Variants in AFG1L observed in about 807,000 individuals in gnomAD.
The protein encoded by AFG1L is AFG1 like ATPase, also known as AFG1-like ATPase.
In AFG1L, 53 loss-of-function variants were observed where a neutral mutation model predicts 62.2. The observed-to-expected ratio is 0.85, with a 90% CI of 0.68 to 1.07. The LOEUF (loss-of-function observed/expected upper bound fraction) is 1.07, where lower values mean the gene tolerates loss of function less well. Among genes scored for constraint, AFG1L ranks in the 50% least tolerant of loss-of-function variants. The pLI is 0.00. For missense variants in AFG1L, 555 were observed against 590.5 expected, an observed-to-expected ratio of 0.94 and a Z score of 0.62; for synonymous variants, 228 against 210.3, an observed-to-expected ratio of 1.08 and a Z score of -0.73.
chr6:108,361,333 T>A (rs542845851), intron 5 of AFG1L, among the ~76,000 whole-genome samples: 2 of 152,156 alleles, frequency 1.3e-5, no homozygotes, highest in East Asian at 3.9e-4. Context: ...ACCACTACAA[T>A]AGAAAATAAG....
chr6:108,516,528 A>G (rs1468829981), intron 11 of AFG1L, among the ~76,000 whole-genome samples: 2 of 152,198 alleles, frequency 1.3e-5, no homozygotes, highest in Non-Finnish European at 2.9e-5. Context: ...ATCTATGACA[A>G]ACCCACAGCC....
At chr6:108,399,820 C>T (rs757127617) in intron 6 of AFG1L, among the ~76,000 whole-genome samples, 2 of 139,466 alleles carry the variant, frequency 1.4e-5, no homozygotes, top group Non-Finnish European at 3.0e-5. Flanking sequence ...ATTCTGTTGC[C>T]CAGGCTGGAG....
chr6:108,331,947 T>C (rs1484597999), intron 2 of AFG1L, among the ~76,000 whole-genome samples: 5 of 152,188 alleles, frequency 3.3e-5, no homozygotes, highest in Non-Finnish European at 7.3e-5. Flanking sequence ...CAGATAATTT[T>C]CAGTTTTTCC....
chr6:108,469,349 TA>T (rs911646546), intron 8 of AFG1L, among the ~76,000 whole-genome samples: 8 of 152,122 alleles, frequency 5.3e-5, no homozygotes, highest in African/African-American at 1.9e-4. Flanking sequence ...TGTAGGATTT[TA>T]TACAACTCAA....
intron 10 of AFG1L, among the ~76,000 whole-genome samples, chr6:108,490,956 T>C (rs946056020): frequency 2.0e-5 from 3 of 152,232 alleles, no homozygotes; most frequent in African/African-American, 7.2e-5. Context: ...TACTGACATT[T>C]TATTTCCCTG....
At chr6:108,297,511 A>G (rs2114809514) in intron 1 of AFG1L, among the ~76,000 whole-genome samples, 1 of 152,084 alleles carries the variant, frequency 6.6e-6, no homozygotes, top group African/African-American at 2.4e-5. Context: ...TTGGGGGGGT[A>G]CATTTCTATT....
chr6:108,501,014 G>A (rs947262566), intron 10 of AFG1L, among the ~76,000 whole-genome samples: 15 of 151,138 alleles, frequency 9.9e-5, no homozygotes, highest in African/African-American at 3.4e-4. Context: ...TTTTTTTTGA[G>A]ACGGAGTCTT....
intron 7 of AFG1L, among the ~76,000 whole-genome samples, chr6:108,409,160 C>A (rs1781993275): frequency 6.6e-6 from 1 of 152,058 alleles, no homozygotes; most frequent in Admixed American, 6.6e-5. Flanking sequence ...AAAGAAATAT[C>A]CCAAAATGTT....
chr6:108,331,972 T>C (rs1465919560), intron 2 of AFG1L, among the ~76,000 whole-genome samples: 2 of 152,188 alleles, frequency 1.3e-5, no homozygotes, highest in Non-Finnish European at 2.9e-5. Flanking sequence ...TGAGAACTTA[T>C]TTCCAACTCC....
chr6:108,337,324 A>G (rs904582021), intron 2 of AFG1L, among the ~76,000 whole-genome samples: 3 of 152,174 alleles, frequency 2.0e-5, no homozygotes. Flanking sequence ...GAGAACTTCA[A>G]TTCTTTGCAA....
intron 1 of AFG1L, among the ~76,000 whole-genome samples, chr6:108,311,399 C>G (rs931892177): frequency 6.6e-6 from 1 of 152,206 alleles, no homozygotes; most frequent in African/African-American, 2.4e-5. Flanking sequence ...AGCTTTGGCC[C>G]TGTGATCTTA....
chr6:108,313,233 T>C (rs1777477889), intron 1 of AFG1L, among the ~76,000 whole-genome samples: 1 of 152,164 alleles, frequency 6.6e-6, no homozygotes, highest in Non-Finnish European at 1.5e-5. Context: ...ACATCCTGCC[T>C]TCCTACTATA....
At chr6:108,364,965 C>T (rs1779695951) in intron 5 of AFG1L, among the ~76,000 whole-genome samples, 2 of 151,450 alleles carry the variant, frequency 1.3e-5, no homozygotes, top group African/African-American at 2.4e-5. Flanking sequence ...TGATTTAGAC[C>T]TGTGCAACCC....
intron 2 of AFG1L, among the ~76,000 whole-genome samples, chr6:108,330,819 A>G (rs1044511798): frequency 6.6e-6 from 1 of 152,230 alleles, no homozygotes; most frequent in Admixed American, 6.5e-5. Context: ...TCATTTTATC[A>G]TTAAATTCAG....
At chr6:108,356,890 C>T (rs1779313035) in intron 5 of AFG1L, 70 bp downstream of exon 5, 1 of 1,277,100 alleles carries the variant, frequency 7.8e-7, no homozygotes, top group African/African-American at 1.5e-5. Context: ...AATTTTGCTC[C>T]TGATTTTATC....
chr6:108,387,244 C>T (rs1397973893), intron 6 of AFG1L, among the ~76,000 whole-genome samples: 1 of 152,232 alleles, frequency 6.6e-6, no homozygotes, highest in Non-Finnish European at 1.5e-5. Flanking sequence ...AAGATGGATT[C>T]TGAGGTGGAT....
chr6:108,495,204 T>G (rs1773927853), intron 10 of AFG1L, among the ~76,000 whole-genome samples: 1 of 152,228 alleles, frequency 6.6e-6, no homozygotes, highest in Admixed American at 6.5e-5. Flanking sequence ...TCAAGCATTT[T>G]CTATTAAAAG....
chr6:108,480,178 AT>A (rs148572977), intron 10 of AFG1L, among the ~76,000 whole-genome samples: 4,342 of 152,144 alleles, frequency 0.029, 95 homozygotes, highest in Middle Eastern at 0.085. Context: ...TTCTTCGTAA[AT>A]TTGTAATTCA....
rs184778981 is a variant in AFG1L at position 108,338,696 on chromosome 6, C to A, written c.364-8292C>A. Among the ~76,000 whole-genome samples, 12 of 152,214 alleles carry A rather than the reference C, an allele frequency of 7.9e-5. No individual in the cohort carries two copies. In the East Asian group the frequency reaches 2.1e-3, roughly 27 times the overall value. ...TTTCTCCAACTTGAACACGTGGCTT[C>A]TTTTAAAATGAACACCCATAAACAT... On this transcript the variant is annotated intron_variant, in intron 2 of 12. Coordinates refer to ENST00000368977, the MANE Select transcript of AFG1L (RefSeq NM_145315.5).
Sources: gnomAD v4.1 joint callset for allele counts (sites outside exome capture counted in the v4.1 genomes callset) on GRCh38, gnomAD v4.1.1 for gene constraint, MANE v1.5 for transcripts, NCBI Gene and HGNC (gene_info 2026-07-23, HGNC 2026-07-21) for gene names.